FARS2: variants seen among roughly 807,000 people sequenced by gnomAD.
FARS2 encodes the protein phenylalanine--tRNA ligase, mitochondrial.
FARS2 carries 40 observed loss-of-function variants against 46.4 expected under a neutral mutation model. That is an observed-to-expected ratio of 0.86 (90% CI 0.67 to 1.12). The LOEUF (loss-of-function observed/expected upper bound fraction) is 1.12, where lower values mean the gene tolerates loss of function less well. FARS2 is among the 50% of genes most tolerant of loss of function. The pLI is 0.00. For missense variants in FARS2, 513 were observed against 567.9 expected, an observed-to-expected ratio of 0.90 and a Z score of 0.98; for synonymous variants, 234 against 214.9, an observed-to-expected ratio of 1.09 and a Z score of -0.78.
intron 6 of FARS2, among the ~76,000 whole-genome samples, chr6:5,760,934 G>A (rs1762447584): frequency 6.6e-6 from 1 of 152,176 alleles, no homozygotes. Context: ...TACACAGCCT[G>A]TCCTCTTTCA....
chr6:5,430,455 C>T (rs1408421130), intron 3 of FARS2, among the ~76,000 whole-genome samples: 3 of 152,020 alleles, frequency 2.0e-5, no homozygotes, highest in Non-Finnish European at 4.4e-5. Flanking sequence ...TTAGCATGTG[C>T]TTTTTAATCA....
intron 3 of FARS2, among the ~76,000 whole-genome samples, chr6:5,409,944 C>A (rs543285530): frequency 6.6e-6 from 1 of 152,236 alleles, no homozygotes; most frequent in South Asian, 2.1e-4. Context: ...CGCTGTATTG[C>A]CTCTCAGGGG....
At chr6:5,578,472 A>C (rs1445290302) in intron 5 of FARS2, among the ~76,000 whole-genome samples, 1 of 152,060 alleles carries the variant, frequency 6.6e-6, no homozygotes, top group Non-Finnish European at 1.5e-5. Context: ...GTACCTTTTC[A>C]ATTTTTTTTA....
At chr6:5,739,824 G>A (rs1416967420) in intron 6 of FARS2, among the ~76,000 whole-genome samples, 1 of 152,192 alleles carries the variant, frequency 6.6e-6, no homozygotes, top group Non-Finnish European at 1.5e-5. Context: ...AGCAAAGGCA[G>A]GGGAGTTGAC....
intron 1 of FARS2, among the ~76,000 whole-genome samples, chr6:5,291,972 A>G (rs895905785): frequency 1.3e-5 from 2 of 152,170 alleles, no homozygotes; most frequent in African/African-American, 4.8e-5. Context: ...ATGGGTGATC[A>G]TTGTTAGATA....
At chr6:5,554,898 G>T (rs911347558) in intron 5 of FARS2, among the ~76,000 whole-genome samples, 1 of 151,570 alleles carries the variant, frequency 6.6e-6, no homozygotes, top group South Asian at 2.1e-4. Flanking sequence ...AGAGTAAGGT[G>T]AACTTGGTCC....
chr6:5,652,314 T>C (rs1447881361), intron 6 of FARS2, among the ~76,000 whole-genome samples: 2 of 152,060 alleles, frequency 1.3e-5, no homozygotes, highest in African/African-American at 2.4e-5. Flanking sequence ...GGATAGGGGA[T>C]GGGGGCTGCT....
chr6:5,661,524 G>A (rs1777851969), intron 6 of FARS2, among the ~76,000 whole-genome samples: 1 of 152,162 alleles, frequency 6.6e-6, no homozygotes, highest in Non-Finnish European at 1.5e-5. Context: ...GGAACGTGGG[G>A]GAGCCAGGAG....
chr6:5,563,086 G>A (rs540297860), intron 5 of FARS2, among the ~76,000 whole-genome samples: 2 of 138,666 alleles, frequency 1.4e-5, no homozygotes, highest in East Asian at 2.7e-4. Flanking sequence ...AGAGACAGAG[G>A]GAGGGGGGCT....
chr6:5,432,570 A>G (rs1763288763), intron 4 of FARS2, among the ~76,000 whole-genome samples: 1 of 142,920 alleles, frequency 7.0e-6, no homozygotes, highest in African/African-American at 2.6e-5. Flanking sequence ...AAAAAAGGGA[A>G]AGTTGGTTTG....
At chr6:5,510,402 G>A (rs1019019565) in intron 4 of FARS2, among the ~76,000 whole-genome samples, 5 of 150,830 alleles carry the variant, frequency 3.3e-5, no homozygotes, top group Admixed American at 6.6e-5. Flanking sequence ...ACAGAACTGC[G>A]GAGCTGAAGC....
intron 4 of FARS2, among the ~76,000 whole-genome samples, chr6:5,520,750 A>G (rs1769084424): frequency 6.6e-6 from 1 of 152,226 alleles, no homozygotes; most frequent in Non-Finnish European, 1.5e-5. Context: ...GAAAAATAAC[A>G]CATGAAGGAC....
intron 6 of FARS2, among the ~76,000 whole-genome samples, chr6:5,632,271 AG>A (rs1440482140): frequency 6.6e-6 from 1 of 152,204 alleles, no homozygotes; most frequent in Non-Finnish European, 1.5e-5. Context: ...TCTGAATCCG[AG>A]GTCTCAGATT....
chr6:5,375,483 A>T (rs888974572), intron 2 of FARS2, among the ~76,000 whole-genome samples: 4 of 152,072 alleles, frequency 2.6e-5, no homozygotes, highest in African/African-American at 9.7e-5. Flanking sequence ...ATGACAATTC[A>T]TCCAAAATTA....
At chr6:5,483,247 C>A (rs1766578024) in intron 4 of FARS2, among the ~76,000 whole-genome samples, 1 of 152,054 alleles carries the variant, frequency 6.6e-6, no homozygotes, top group African/African-American at 2.4e-5. Flanking sequence ...CCTTTTATCA[C>A]TCCCCCTGCT....
At chr6:5,356,487 T>C (rs1757938486) in intron 1 of FARS2, among the ~76,000 whole-genome samples, 1 of 152,118 alleles carries the variant, frequency 6.6e-6, no homozygotes, top group Admixed American at 6.5e-5. Flanking sequence ...ATAGATTAGA[T>C]AGATTAGACA....
intron 6 of FARS2, among the ~76,000 whole-genome samples, chr6:5,700,895 A>G (rs1758391013): frequency 6.6e-6 from 1 of 152,218 alleles, no homozygotes; most frequent in African/African-American, 2.4e-5. Context: ...CTGTCACTAC[A>G]GCACCTATTG....
intron 3 of FARS2, among the ~76,000 whole-genome samples, chr6:5,409,565 C>A (rs959668994): frequency 6.6e-6 from 1 of 152,148 alleles, no homozygotes; most frequent in Non-Finnish European, 1.5e-5. Flanking sequence ...TGGTAGTCAG[C>A]TTTTATTACA....
intron 6 of FARS2, among the ~76,000 whole-genome samples, chr6:5,661,038 G>A (rs1027579031): frequency 1.3e-5 from 2 of 152,244 alleles, no homozygotes; most frequent in Admixed American, 6.5e-5. Flanking sequence ...CAGAACCAGC[G>A]GGAGGCTACA....
Sources: allele counts gnomAD v4.1 joint callset (sites outside exome capture counted in the v4.1 genomes callset), GRCh38; gene constraint gnomAD v4.1.1; transcripts MANE v1.5; gene names NCBI Gene and HGNC (gene_info 2026-07-23, HGNC 2026-07-21).